Variants in SYNE2 observed in about 807,000 individuals in gnomAD.
The protein encoded by SYNE2 is nesprin-2.
SYNE2 carries 431 observed loss-of-function variants against 856.3 expected under a neutral mutation model. The ratio of observed to expected loss-of-function variants is 0.50; its 90% CI spans 0.47 to 0.55. The LOEUF (loss-of-function observed/expected upper bound fraction) is 0.55. SYNE2 is among the 20% of genes least tolerant of loss of function. The probability of loss-of-function intolerance (pLI) is 0.00; values close to 1 mark genes in which losing one functional copy is unlikely to be tolerated. For missense variants in SYNE2, 8,129 were observed against 8,023.2 expected, an observed-to-expected ratio of 1.01 and a Z score of -0.50; for synonymous variants, 2,923 against 2,872.3, an observed-to-expected ratio of 1.02 and a Z score of -0.56.
At position 63,991,018 on chromosome 14, in the gene SYNE2, T is replaced by C. The variant is rs1244612596; in HGVS notation, c.2549T>C (p.Met850Thr). Residue 850 changes from methionine (M) to threonine (T), a missense_variant, in exon 21 of 116, where the codon ATG becomes ACG. Physicochemically the swap from Met to Thr is moderately conservative, Grantham distance 81. Transcript: ENST00000555002. ...CCAGATTTGGACATCAGGCTGAAGA[T>C]GGAAGAATCCCAGAAGGAACTTGAA... ...VSPDLDIRLK[M>T]EESQKELESY... is the part of the protein sequence containing the mutation. The C allele has an allele frequency of 2.5e-6, 4 of 1,614,068 alleles. No individual in the cohort carries two copies. The highest frequency in any genetic ancestry group is 2.2e-5 in the East Asian group (1 of 44,896).
At position 63,941,758 on chromosome 14, in the gene SYNE2, G is replaced by T. The variant is rs1430241199; in HGVS notation, c.205G>T (p.Asp69Tyr). ...CATTAAAAAGGGGCATGTCCTCCTG[G>T]ATCTGCTAGAAGTACTTTCTGGGCA... ...TDIKKGHVLL[D>Y]LLEVLSGQQL... Residue 69 changes from aspartate (D) to tyrosine (Y), a missense_variant, in exon 4 of 116, where the codon GAT becomes TAT. By Grantham distance (160) the Asp-to-Tyr change is radical. Transcript: ENST00000555002. The T allele has an allele frequency of 1.2e-6, 2 of 1,613,934 alleles. No individual in the cohort carries two copies. The highest frequency in any genetic ancestry group is 1.7e-6 in the Non-Finnish European group (2 of 1,180,004).
chr14:64,215,360 C>A lies in SYNE2; in HGVS notation c.19402+6C>A. 1 of 1,613,824 alleles carries A rather than the reference C, an allele frequency of 6.2e-7. No individual in the cohort carries two copies. ...AACTTTGAAAGCGTCTTCTGGTAGGCCCCCGCCCATGCATGTGTCAACATG... is the reference window on the plus strand; with the variant it reads ...AACTTTGAAAGCGTCTTCTGGTAGGACCCCGCCCATGCATGTGTCAACATG... On this transcript the variant is annotated splice_donor_region_variant and intron_variant, in intron 107 of 115. Transcript: ENST00000555002.
Position 64,146,057 on chromosome 14 carries a change from C to T in SYNE2, c.15484-11C>T, listed in dbSNP as rs1297045240. 1.3e-6 allele frequency: 2 copies of T among 1,530,792 alleles called. No individual in the cohort carries two copies. Among genetic ancestry groups the T allele is most frequent in the East Asian group, 2.3e-5 (1 of 42,780 alleles). 94.8% of individuals were successfully genotyped at this position (1,530,792 alleles called of 1,614,324 possible). A position where few individuals can be genotyped will look rare whatever the true frequency, so the allele number is the denominator to read the frequency against. ...ATTTTAACATTTTTTGTAATCTTTA[C>T]ATTCACTTAGATACAACATTTAGAA... On this transcript the variant is annotated splice_polypyrimidine_tract_variant and intron_variant, in intron 83 of 115. Transcript: ENST00000555002.
intron 1 of SYNE2, among the ~76,000 whole-genome samples, chr14:63,827,765 G>A (rs909166337): frequency 2.4e-4 from 36 of 151,156 alleles, no homozygotes; most frequent in Admixed American, 1.8e-3. Flanking sequence ...GGGGGAGAGC[G>A]GACTGATCTC....
rs963274886 is a variant in SYNE2 at position 64,143,713 on chromosome 14, A to G, written c.15307-59A>G. ...TGCCCCCTCGAGCACATAAAGGGAAATCCATTTGATCTGACCAACATTCAT... is the reference window on the plus strand; with the variant it reads ...TGCCCCCTCGAGCACATAAAGGGAAGTCCATTTGATCTGACCAACATTCAT... On this transcript the variant is annotated intron_variant, in intron 82 of 115. Coordinates refer to ENST00000555002, the MANE Select transcript of SYNE2 (RefSeq NM_182914.3). 3.1e-6 allele frequency: 5 copies of G among 1,587,674 alleles called. No homozygotes were observed. The African/African-American group carries it at 5.4e-5, about 17-fold the overall frequency.
rs763317566 is a variant in SYNE2 at position 64,049,696 on chromosome 14, C to T, written c.7463C>T (p.Ala2488Val). The T allele has an allele frequency of 8.7e-6, 14 of 1,613,934 alleles. No homozygotes were observed. In the East Asian group the frequency reaches 2.9e-4, roughly 33 times the overall value. ...TGTCTTAACAAAACAGAAACTGGGGCCTTGGTTCTCCACAATATAGGATAT... is the reference window on the plus strand; with the variant it reads ...TGTCTTAACAAAACAGAAACTGGGGTCTTGGTTCTCCACAATATAGGATAT... Reference protein sequence around the residue: ...TECLNKTETGALVLHNIGYSA... With the variant: ...TECLNKTETGVLVLHNIGYSA... The change falls in exon 47 of 116, where the codon GCC (alanine) becomes GTC (valine). Residue 2488 changes from alanine to valine, a missense_variant. Around this residue, in one of 3 missense-constraint regions of SYNE2, gnomAD observed 5,410 missense variants for 5,284.8 expected, o/e 1.02. Coordinates refer to ENST00000555002, the MANE Select transcript of SYNE2 (RefSeq NM_182914.3).
chr14:63,986,339 A>G (rs1050602840), intron 18 of SYNE2, 117 bp from the exon 19 acceptor site: 29 of 1,083,240 alleles, frequency 2.7e-5, no homozygotes, highest in African/African-American at 7.9e-5. Context: ...GCCTCAAGCA[A>G]TCCTCCTGCC....
chr14:64,036,081 T>C (rs2097087256), intron 45 of SYNE2, among the ~76,000 whole-genome samples: 2 of 152,268 alleles, frequency 1.3e-5, no homozygotes, highest in South Asian at 4.1e-4. Context: ...TTAAATCCTT[T>C]AAGAGGCTAA....
rs560980750 is a variant in SYNE2, at chr14:63,963,789, T to G, written c.889-110T>G. ...ATTACTCTTTGGCATAATGAATCAT[T>G]GGTGTGTAATGATGGCATTATTTCA... is the stretch of plus-strand genomic sequence containing the variant. On this transcript the variant is annotated intron_variant, in intron 9 of 115. Transcript: ENST00000555002. 5.7e-5 allele frequency: 41 copies of G among 718,692 alleles called. No homozygotes were observed. In the South Asian group the frequency reaches 6.1e-4, roughly 11 times the overall value. The allele number at this position is 718,692 out of a possible 1,614,324, so 44.5% of individuals were successfully genotyped here. A position where few individuals can be genotyped will look rare whatever the true frequency, so the allele number is the denominator to read the frequency against.
intron 52 of SYNE2, among the ~76,000 whole-genome samples, chr14:64,071,738 C>T (rs961736885): frequency 1.4e-4 from 22 of 152,184 alleles, no homozygotes; most frequent in Middle Eastern, 3.4e-3. Flanking sequence ...TAGCTGTGGC[C>T]GGGCATGGTG....
intron 2 of SYNE2, among the ~76,000 whole-genome samples, chr14:63,921,226 G>T (rs1242504636): frequency 6.6e-6 from 1 of 152,108 alleles, no homozygotes; most frequent in African/African-American, 2.4e-5. Flanking sequence ...GTTGGGAAGG[G>T]AGTTGGTTAG....
intron 1 of SYNE2, chr14:63,762,157 C>T (rs1364436393): frequency 1.5e-5 from 5 of 336,636 alleles, no homozygotes; most frequent in South Asian, 2.5e-5. Flanking sequence ...AGTGGCCAGG[C>T]GCGGTGGCTC....
intron 57 of SYNE2, chr14:64,087,412 A>T (rs2097571849): frequency 1.6e-6 from 1 of 633,154 alleles, no homozygotes; most frequent in South Asian, 1.4e-5. Flanking sequence ...CTCCCCTATT[A>T]TTAAAGGATT....
intron 2 of SYNE2, among the ~76,000 whole-genome samples, chr14:63,922,520 G>A (rs932023216): frequency 1.3e-5 from 2 of 152,126 alleles, no homozygotes; most frequent in African/African-American, 4.8e-5. Context: ...CCATGTGTTA[G>A]GGCTAGGTGC....
chr14:64,201,605 A>G (rs2098566744), intron 99 of SYNE2, among the ~76,000 whole-genome samples: 1 of 152,134 alleles, frequency 6.6e-6, no homozygotes, highest in African/African-American at 2.4e-5. Context: ...TTGAGCGTGG[A>G]TCAGACTTGC....
In SYNE2 at chr14:64,070,814, G is replaced by T; in HGVS notation, c.10601G>T (p.Arg3534Leu). ...CTGTTACTGACTCTACTTCTTCAGC[G>T]CATCAGAAGTATCCAGAATGTTCCT... Reference protein sequence around the residue: ...QQLLLTLLLQRIRSIQNVPES... With the variant: ...QQLLLTLLLQLIRSIQNVPES... Residue 3534 changes from arginine (R) to leucine (L), a missense_variant, in exon 52 of 116, where the codon CGC becomes CTC. Physicochemically the swap from Arg to Leu is moderately radical, Grantham distance 102. Transcript: ENST00000555002. 1 of 1,614,184 alleles carries T rather than the reference G, an allele frequency of 6.2e-7. No homozygotes were observed. Among genetic ancestry groups the T allele is most frequent in the South Asian group, 1.1e-5 (1 of 91,086 alleles).
Position 63,998,648 on chromosome 14 carries a change from G to A in SYNE2, c.3354-266G>A, listed in dbSNP as rs542945607. ...GCCATCTTGGCTTGCTGCAGCCTCCGCCTCCCAGGATCAAGTGATTCTCCT... is the reference window on the plus strand; with the variant it reads ...GCCATCTTGGCTTGCTGCAGCCTCCACCTCCCAGGATCAAGTGATTCTCCT... On this transcript the variant is annotated intron_variant, in intron 26 of 115. Transcript: ENST00000555002. Among the ~76,000 whole-genome samples the A allele has an allele frequency of 2.4e-4, 36 of 152,160 alleles. No homozygotes were observed. The East Asian group carries it at 5.6e-3, about 24-fold the overall frequency.
intron 7 of SYNE2, among the ~76,000 whole-genome samples, chr14:63,952,631 A>G (rs974689554): frequency 6.6e-6 from 1 of 152,238 alleles, no homozygotes; most frequent in Non-Finnish European, 1.5e-5. Context: ...GTGAACAGTA[A>G]TATGTCATAG....
chr14:64,075,926 ACT>A lies in SYNE2; in HGVS notation c.10867-14_10867-13del. 6.2e-7 allele frequency: 1 copy of A among 1,613,152 alleles called. No homozygotes were observed. Among genetic ancestry groups the A allele is most frequent in the Non-Finnish European group, 8.5e-7 (1 of 1,179,496 alleles). On this transcript the variant is annotated splice_polypyrimidine_tract_variant and intron_variant, in intron 53 of 115. Coordinates refer to ENST00000555002, the MANE Select transcript of SYNE2 (RefSeq NM_182914.3). The stretch of plus-strand genomic sequence containing the variant: ...TTCCCCCAGTCTCGTGAGTATTGCA[ACT>A]CTCTTAATGCTTTTAGGAGCTTCAA...
Sources: allele counts gnomAD v4.1 joint callset (sites outside exome capture counted in the v4.1 genomes callset), GRCh38; gene constraint gnomAD v4.1.1; regional missense constraint gnomAD v4.1.1; transcripts MANE v1.5; gene names NCBI Gene and HGNC (gene_info 2026-07-23, HGNC 2026-07-21).